The following SRGAP1 variants were observed in gnomAD, a reference collection of about 807,000 sequenced individuals.
SRGAP1 encodes SLIT-ROBO Rho GTPase-activating protein 1.
A neutral mutation model predicts 121.9 loss-of-function variants in SRGAP1; 43 were observed. That is an observed-to-expected ratio of 0.35 (90% CI 0.28 to 0.46). The LOEUF (loss-of-function observed/expected upper bound fraction) is 0.46. SRGAP1 is among the 20% of genes least tolerant of loss of function. The pLI is 1.00. For missense variants in SRGAP1, 1,102 were observed against 1,350.9 expected (o/e 0.82, Z 2.89); for synonymous variants, 447 against 485.4 (o/e 0.92, Z 1.04).
intron 1 of SRGAP1, among the ~76,000 whole-genome samples, chr12:63,881,635 G>A (rs896375398): frequency 2.0e-5 from 3 of 152,320 alleles, no homozygotes; most frequent in South Asian, 2.1e-4. Context: ...GTAAAGCACC[G>A]AGTGGTGCCA....
At chr12:63,852,360 G>A (rs1434124256) in intron 1 of SRGAP1, among the ~76,000 whole-genome samples, 2 of 152,180 alleles carry the variant, frequency 1.3e-5, no homozygotes, top group Non-Finnish European at 2.9e-5. Flanking sequence ...ATTCAAATAC[G>A]TAATCACTAG....
rs2037146399 is a variant in SRGAP1, at chr12:64,154,182, TCA to T, written c.*11511_*11512del. 6.6e-6 allele frequency: 1 copy of T among 152,372 alleles called. No homozygotes were observed. Among genetic ancestry groups the T allele is most frequent in the East Asian group, 1.9e-4 (1 of 5,190 alleles). The allele number at this position is 152,372 out of a possible 1,614,324, so 9.4% of individuals were successfully genotyped here. A position where few individuals can be genotyped will look rare whatever the true frequency, so the allele number is the denominator to read the frequency against. ...ATTGTTGTTCAGTGTTTACAGGGTT[TCA>T]GTTTTGCAAGATAAAAAGTTCTAAA... On this transcript the variant is annotated 3_prime_UTR_variant, in exon 22 of 22. Transcript: ENST00000355086.
intron 14 of SRGAP1, among the ~76,000 whole-genome samples, chr12:64,096,851 T>C (rs1399981635): frequency 1.3e-5 from 2 of 152,162 alleles, no homozygotes; most frequent in Admixed American, 6.5e-5. Context: ...CAGACAGACC[T>C]ATGGTGTGTC....
intron 8 of SRGAP1, among the ~76,000 whole-genome samples, chr12:64,075,791 C>T (rs1258870020): frequency 6.6e-6 from 1 of 151,952 alleles, no homozygotes; most frequent in Non-Finnish European, 1.5e-5. Context: ...TGTGCATAAC[C>T]CCAGGAATGA....
intron 1 of SRGAP1, among the ~76,000 whole-genome samples, chr12:63,859,393 G>A (rs943331721): frequency 6.6e-6 from 1 of 151,852 alleles, no homozygotes; most frequent in African/African-American, 2.4e-5. Flanking sequence ...TCTTGAACTC[G>A]TGGCCTCAAA....
intron 1 of SRGAP1, among the ~76,000 whole-genome samples, chr12:63,951,438 A>G (rs2032294088): frequency 6.6e-6 from 1 of 152,154 alleles, no homozygotes; most frequent in African/African-American, 2.4e-5. Context: ...TGCTGGAATT[A>G]TAGGCATAAG....
At chr12:63,848,276 T>C (rs1898969311) in intron 1 of SRGAP1, among the ~76,000 whole-genome samples, 1 of 152,132 alleles carries the variant, frequency 6.6e-6, no homozygotes, top group South Asian at 2.1e-4. Context: ...CCTCCCAAAG[T>C]GCTGGGATTA....
chr12:64,145,137 C>T lies in SRGAP1; in HGVS notation c.*2465C>T, dbSNP rs1222529676. 2 of 152,052 alleles carry T rather than the reference C, an allele frequency of 1.3e-5. No homozygotes were observed. Among genetic ancestry groups the T allele is most frequent in the African/African-American group, 4.8e-5 (2 of 41,380 alleles). The allele number at this position is 152,052 out of a possible 1,614,324, so 9.4% of individuals were successfully genotyped here. On this transcript the variant is annotated 3_prime_UTR_variant, in exon 22 of 22. Coordinates refer to ENST00000355086, the MANE Select transcript of SRGAP1 (RefSeq NM_020762.4). The stretch of plus-strand genomic sequence containing the variant: ...TGAGCCACCATGCCCGGCCATTCCA[C>T]CACTTCTTTAAAATAGTAAGAATTC...
intron 3 of SRGAP1, among the ~76,000 whole-genome samples, chr12:64,004,703 A>G (rs1254112471): frequency 1.3e-5 from 2 of 152,208 alleles, no homozygotes; most frequent in African/African-American, 4.8e-5. Flanking sequence ...GCATAGACAC[A>G]TTGAATCCTT....
At chr12:63,897,902 G>A (rs1900806392) in intron 1 of SRGAP1, among the ~76,000 whole-genome samples, 1 of 152,136 alleles carries the variant, frequency 6.6e-6, no homozygotes, top group African/African-American at 2.4e-5. Context: ...ATAGGAGTCA[G>A]AGAAAAAGAA....
intron 4 of SRGAP1, among the ~76,000 whole-genome samples, chr12:64,032,101 C>T (rs1039121483): frequency 6.6e-6 from 1 of 152,130 alleles, no homozygotes; most frequent in Admixed American, 6.5e-5. Flanking sequence ...AATTTAGGCT[C>T]ACAGACAATT....
At chr12:64,130,195 T>A (rs2036763193) in intron 21 of SRGAP1, among the ~76,000 whole-genome samples, 1 of 152,206 alleles carries the variant, frequency 6.6e-6, no homozygotes, top group African/African-American at 2.4e-5. Flanking sequence ...AGTAGTCGAC[T>A]GATTTCATCT....
rs917121830 is a variant in SRGAP1 at position 63,907,893 on chromosome 12, A to G, written c.67+63010A>G. Among the ~76,000 whole-genome samples the G allele has an allele frequency of 2.6e-5, 4 of 152,242 alleles. No individual in the cohort carries two copies. The South Asian group carries it at 8.3e-4, about 31-fold the overall frequency. Reference sequence around the variant, plus strand: ...TTGATTTTTGTGTAAAGTATAAAGTAGAGGTCCATATTCACTTTTTTGCAT... The same window carrying G: ...TTGATTTTTGTGTAAAGTATAAAGTGGAGGTCCATATTCACTTTTTTGCAT... On this transcript the variant is annotated intron_variant, in intron 1 of 21. Coordinates refer to ENST00000355086, the MANE Select transcript of SRGAP1 (RefSeq NM_020762.4).
chr12:63,958,070 GAGATACT>G (rs2032529101), intron 1 of SRGAP1, among the ~76,000 whole-genome samples: 1 of 36,146 alleles, frequency 2.8e-5, no homozygotes, highest in African/African-American at 1.5e-4. Context: ...TGGCTCCAAA[GAGATACT>G]GAGATACTGG....
chr12:64,089,518 A>G (rs887443083), intron 11 of SRGAP1, among the ~76,000 whole-genome samples: 2 of 152,248 alleles, frequency 1.3e-5, no homozygotes, highest in Non-Finnish European at 2.9e-5. Context: ...TCCACACTTT[A>G]AAACACTTTT....
chr12:64,125,638 G>T (rs2036675212), intron 18 of SRGAP1, among the ~76,000 whole-genome samples: 1 of 152,008 alleles, frequency 6.6e-6, no homozygotes, highest in East Asian at 1.9e-4. Context: ...CAATTGTGGA[G>T]GATATTACAA....
chr12:64,080,042 A>G (rs2035808551), intron 9 of SRGAP1, among the ~76,000 whole-genome samples: 1 of 152,160 alleles, frequency 6.6e-6, no homozygotes, highest in African/African-American at 2.4e-5. Context: ...CAAGAGTTCA[A>G]GACAAGCCTG....
intron 1 of SRGAP1, among the ~76,000 whole-genome samples, chr12:63,865,046 AC>A (rs1899576960): frequency 1.3e-5 from 2 of 152,214 alleles, no homozygotes; most frequent in African/African-American, 4.8e-5. Context: ...AAGTGCAATT[AC>A]TTTTGCACCA....
At position 64,161,904 on chromosome 12, in the gene SRGAP1, T is replaced by C. The variant is rs554712021; in HGVS notation, c.*19232T>C. 6.6e-6 allele frequency: 1 copy of C among 152,212 alleles called. No homozygotes were observed. Among genetic ancestry groups the C allele is most frequent in the Non-Finnish European group, 1.5e-5 (1 of 68,006 alleles). The allele number at this position is 152,212 out of a possible 1,614,324, so 9.4% of individuals were successfully genotyped here. On this transcript the variant is annotated 3_prime_UTR_variant, in exon 22 of 22. Transcript: ENST00000355086. Reference sequence around the variant, plus strand: ...GTAATGAAGATGGGAAAGAACGGAGTACTGATACACGCTACAACATGGGTA... The same window carrying C: ...GTAATGAAGATGGGAAAGAACGGAGCACTGATACACGCTACAACATGGGTA...
Sources: allele counts gnomAD v4.1 joint callset (sites outside exome capture counted in the v4.1 genomes callset), GRCh38; gene constraint gnomAD v4.1.1; transcripts MANE v1.5; gene names NCBI Gene and HGNC (gene_info 2026-07-23, HGNC 2026-07-21).